The following HECW2 variants were observed in gnomAD, a reference collection of about 807,000 sequenced individuals.
HECW2 encodes HECT, C2 and WW domain containing E3 ubiquitin protein ligase 2.
Under a neutral mutation model 175.2 loss-of-function variants are expected in HECW2, and 61 were observed. The observed-to-expected ratio is 0.35, with a 90% CI of 0.28 to 0.43. The LOEUF is 0.43. Ranked by LOEUF, HECW2 falls within the 20% of genes least tolerant of loss-of-function variation. The pLI is 1.00. For missense variants in HECW2, 1,524 were observed against 2,000.5 expected (o/e 0.76, Z 4.54); for synonymous variants, 671 against 731.0 (o/e 0.92, Z 1.32).
intron 1 of HECW2, among the ~76,000 whole-genome samples, chr2:196,534,362 G>A (rs1688948092): frequency 6.6e-6 from 1 of 152,002 alleles, no homozygotes; most frequent in Non-Finnish European, 1.5e-5. Flanking sequence ...CTGCTCATAT[G>A]TCAGCATTAA....
chr2:196,217,217 AT>A, intron 26 of HECW2, 124 bp from the exon 27 acceptor site: 1 of 650,562 alleles, frequency 1.5e-6, no homozygotes, highest in Non-Finnish European at 2.7e-6. Context: ...GTTGTCTATA[AT>A]TTTAAGACTA....
chr2:196,475,110 T>C (rs868268829), intron 1 of HECW2, among the ~76,000 whole-genome samples: 9 of 152,120 alleles, frequency 5.9e-5, no homozygotes, highest in South Asian at 2.1e-4. Flanking sequence ...GTGGTTTTCT[T>C]TGAGATGTTC....
chr2:196,592,781 G>A (rs1465641067), intron 1 of HECW2: 1 of 151,764 alleles, frequency 6.6e-6, no homozygotes, highest in African/African-American at 2.4e-5. Flanking sequence ...CCTGGGCTTT[G>A]CGCCCGTCGC....
chr2:196,351,376 G>A (rs1693165893), intron 2 of HECW2, among the ~76,000 whole-genome samples: 1 of 151,760 alleles, frequency 6.6e-6, no homozygotes, highest in Non-Finnish European at 1.5e-5. Context: ...GATAATAAGA[G>A]AATATATAGG....
intron 1 of HECW2, among the ~76,000 whole-genome samples, chr2:196,452,604 A>C (rs1696380167): frequency 1.3e-5 from 2 of 152,162 alleles, no homozygotes; most frequent in South Asian, 4.1e-4. Flanking sequence ...TCCAGTGCAA[A>C]GCCACTTTGG....
intron 2 of HECW2, 69 bp from the exon 3 acceptor site, chr2:196,343,833 T>C: frequency 2.1e-6 from 2 of 972,826 alleles, no homozygotes; most frequent in Non-Finnish European, 3.3e-6. Flanking sequence ...AAGATTAACA[T>C]AAGTTCTAAA....
intron 1 of HECW2, among the ~76,000 whole-genome samples, chr2:196,526,510 A>G (rs967950174): frequency 8.6e-5 from 13 of 151,878 alleles, no homozygotes; most frequent in South Asian, 2.1e-4. Flanking sequence ...GCTTTGTTCC[A>G]TTGCTGGTGA....
intron 1 of HECW2, among the ~76,000 whole-genome samples, chr2:196,476,487 T>C (rs969644213): frequency 6.7e-6 from 1 of 149,632 alleles, no homozygotes. Flanking sequence ...ATCTATCAAG[T>C]TGTTGGGGCA....
intron 28 of HECW2, among the ~76,000 whole-genome samples, chr2:196,211,881 C>T (rs139665055): frequency 0.017 from 2,523 of 152,208 alleles, 37 homozygotes; most frequent in Middle Eastern, 0.027. Flanking sequence ...CTTGCTCTGT[C>T]GCCCAGGCTG....
intron 21 of HECW2, among the ~76,000 whole-genome samples, chr2:196,230,992 A>G (rs12471213): frequency 0.082 from 12,140 of 147,318 alleles, 1,011 homozygotes; most frequent in African/African-American, 0.21. Flanking sequence ...AATCCCAGCT[A>G]CTCGAGAGGC....
intron 18 of HECW2, among the ~76,000 whole-genome samples, chr2:196,254,726 C>T (rs1688987397): frequency 6.6e-6 from 1 of 152,174 alleles, no homozygotes; most frequent in Non-Finnish European, 1.5e-5. Flanking sequence ...ACTGCAATGC[C>T]ACTAAGCCCA....
At chr2:196,257,975 G>A (rs1182597715) in intron 17 of HECW2, 69 bp from the exon 18 acceptor site, 2 of 1,116,686 alleles carry the variant, frequency 1.8e-6, no homozygotes, top group African/African-American at 3.1e-5. Context: ...GTAGTAAAGA[G>A]CATTTTTTAT....
intron 1 of HECW2, among the ~76,000 whole-genome samples, chr2:196,585,088 T>C (rs13388975): frequency 0.014 from 2,147 of 152,310 alleles, 48 homozygotes; most frequent in African/African-American, 0.05. Flanking sequence ...TTGTTTGTCT[T>C]TGCCATGATT....
intron 1 of HECW2, among the ~76,000 whole-genome samples, chr2:196,480,596 A>C (rs954392402): frequency 3.3e-5 from 5 of 152,226 alleles, no homozygotes; most frequent in African/African-American, 4.8e-5. Context: ...TTTCTTCAAG[A>C]ACTGGGAAGA....
chr2:196,392,211 A>T (rs900127051), intron 2 of HECW2, among the ~76,000 whole-genome samples: 1 of 152,190 alleles, frequency 6.6e-6, no homozygotes, highest in Non-Finnish European at 1.5e-5. Flanking sequence ...GAATAGAATA[A>T]AATTGAGTAA....
chr2:196,335,776 A>G (rs1032450154), intron 3 of HECW2, among the ~76,000 whole-genome samples: 4 of 152,220 alleles, frequency 2.6e-5, no homozygotes, highest in African/African-American at 7.2e-5. Flanking sequence ...AATAATTCAT[A>G]ATTTAATAAG....
At chr2:196,242,685 T>G (rs1688503420) in intron 19 of HECW2, 1 of 80,410 alleles carries the variant, frequency 1.2e-5, no homozygotes, top group Middle Eastern at 5.1e-3. Context: ...CATGAAACTT[T>G]TTTTTTTTTT....
intron 1 of HECW2, among the ~76,000 whole-genome samples, chr2:196,458,727 G>T (rs747218928): frequency 6.6e-6 from 1 of 152,066 alleles, no homozygotes; most frequent in Non-Finnish European, 1.5e-5. Flanking sequence ...TTAGCTGGGC[G>T]TGGTGGTGTG....
In HECW2 at chr2:196,590,212, A is replaced by G. The variant is rs77940491; in HGVS notation, c.-36+3296T>C. ...AAAGGGGGTGCTTTTGATAATTAAG[A>G]TAAACCAACAGGAGTAAACTGGCAC... On this transcript the variant is annotated intron_variant, in intron 1 of 28. Transcript: ENST00000644978. 6.7e-3 allele frequency among the ~76,000 whole-genome samples: 1,025 copies of G among 152,308 alleles called. 8 individuals are homozygous for G. The highest frequency in any genetic ancestry group is 0.012 in the Non-Finnish European group (825 of 68,028).
Sources: allele counts gnomAD v4.1 joint callset (sites outside exome capture counted in the v4.1 genomes callset), GRCh38; gene constraint gnomAD v4.1.1; transcripts MANE v1.5; gene names NCBI Gene and HGNC (gene_info 2026-07-23, HGNC 2026-07-21).